Variants in PVT1 observed in about 807,000 individuals in gnomAD.
PVT1 encodes the protein CXCR4/PVT1 fusion.
At chr8:127,966,388 AG>A (rs1563652384) in intron 3 of PVT1, among the ~76,000 whole-genome samples, 2 of 152,232 alleles carry the variant, frequency 1.3e-5, no homozygotes, top group African/African-American at 2.4e-5. Flanking sequence ...CCTGAGTCTT[AG>A]AAAAAACCCC....
intron 3 of PVT1, among the ~76,000 whole-genome samples, chr8:127,961,334 C>T (rs1173168455): frequency 2.0e-5 from 3 of 152,300 alleles, no homozygotes; most frequent in Middle Eastern, 3.4e-3. Context: ...CAGGGATGCA[C>T]TGGAGACCCA....
At chr8:127,805,353 T>C (rs1466884897) in intron 2 of PVT1, among the ~76,000 whole-genome samples, 3 of 152,116 alleles carry the variant, frequency 2.0e-5, no homozygotes, top group Admixed American at 2.0e-4. Flanking sequence ...ATGTTTTCTA[T>C]TTTTCAGTTA....
intron 2 of PVT1, among the ~76,000 whole-genome samples, chr8:127,822,506 G>A (rs1429057048): frequency 6.6e-6 from 1 of 152,198 alleles, no homozygotes; most frequent in Non-Finnish European, 1.5e-5. Context: ...GAACCTGGGA[G>A]GTGGAGGTTG....
At chr8:127,836,817 A>G (rs1814913622) in intron 2 of PVT1, among the ~76,000 whole-genome samples, 1 of 152,170 alleles carries the variant, frequency 6.6e-6, no homozygotes, top group African/African-American at 2.4e-5. Flanking sequence ...ATACCTGGGC[A>G]TATGGCTTCA....
intron 4 of PVT1, among the ~76,000 whole-genome samples, chr8:128,017,611 A>AT (rs1758123810): frequency 6.9e-6 from 1 of 145,474 alleles, no homozygotes; most frequent in Non-Finnish European, 1.5e-5. Flanking sequence ...TTTTTTTTTA[A>AT]TTTTTTTAGA....
Position 127,925,694 on chromosome 8 carries a change from T to C in PVT1, n.782+34696T>C, listed in dbSNP as rs184286006. ...TTTACTTTTGTTGCCCAGGCTGGAG[T>C]GCAGTGGTGCCATCTCGGCTCACCG... On this transcript the variant is annotated intron_variant and non_coding_transcript_variant, in intron 3 of 10. Coordinates refer to ENST00000651587, the Ensembl canonical transcript of PVT1. 3.8e-3 allele frequency among the ~76,000 whole-genome samples: 579 copies of C among 152,208 alleles called. 3 individuals are homozygous for C. The highest frequency in any genetic ancestry group is 0.013 in the African/African-American group (558 of 41,520).
At chr8:127,873,767 T>C (rs1215373481) in intron 2 of PVT1, among the ~76,000 whole-genome samples, 1 of 152,232 alleles carries the variant, frequency 6.6e-6, no homozygotes, top group Non-Finnish European at 1.5e-5. Context: ...GAATCTTTGC[T>C]CCATTTCTCC....
intron 5 of PVT1, among the ~76,000 whole-genome samples, chr8:128,086,408 C>T (rs1183539102): frequency 6.6e-6 from 1 of 152,138 alleles, no homozygotes. Flanking sequence ...TATGCTAATC[C>T]TCATGTGAAA....
At chr8:128,046,346 G>C (rs886380035) in intron 4 of PVT1, among the ~76,000 whole-genome samples, 1 of 152,206 alleles carries the variant, frequency 6.6e-6, no homozygotes, top group East Asian at 1.9e-4. Flanking sequence ...TTTTCCAAAT[G>C]AGAAAACTGT....
At chr8:127,797,325 G>T (rs1814408786) in intron 2 of PVT1, among the ~76,000 whole-genome samples, 1 of 152,122 alleles carries the variant, frequency 6.6e-6, no homozygotes, top group Admixed American at 6.5e-5. Flanking sequence ...ACAGTACCCG[G>T]CCTTGTTTTG....
chr8:127,884,480 T>C (rs1815503047), intron 2 of PVT1, among the ~76,000 whole-genome samples: 1 of 152,252 alleles, frequency 6.6e-6, no homozygotes, highest in Non-Finnish European at 1.5e-5. Context: ...TGTGCATTGA[T>C]ACCACGGAGT....
At chr8:128,093,649 T>C (rs917590672) in intron 5 of PVT1, among the ~76,000 whole-genome samples, 6 of 152,042 alleles carry the variant, frequency 3.9e-5, no homozygotes, top group African/African-American at 1.4e-4. Flanking sequence ...CATTTTTTTC[T>C]TTTTTTGAGA....
At chr8:127,889,052 C>CTTCT (rs1815564493) in intron 2 of PVT1, among the ~76,000 whole-genome samples, 1 of 91,326 alleles carries the variant, frequency 1.1e-5, no homozygotes, top group Non-Finnish European at 2.5e-5. Flanking sequence ...TCCTTCCTTC[C>CTTCT]TTCCTTCCTT....
chr8:127,885,721 A>C (rs1815515619), intron 2 of PVT1, among the ~76,000 whole-genome samples: 1 of 152,218 alleles, frequency 6.6e-6, no homozygotes, highest in African/African-American at 2.4e-5. Flanking sequence ...CTATGAAATG[A>C]GTAGATGTTG....
chr8:127,858,407 A>T lies in PVT1; in HGVS notation n.373-32182A>T, dbSNP rs1413562070. On this transcript the variant is annotated intron_variant and non_coding_transcript_variant, in intron 2 of 10. Coordinates refer to ENST00000651587, the Ensembl canonical transcript of PVT1. Reference sequence around the variant, plus strand: ...GGGTGACAGAGTGAGACTCTGTCTCAAAATAAATAAATAAATAAATAAATA... The same window carrying T: ...GGGTGACAGAGTGAGACTCTGTCTCTAAATAAATAAATAAATAAATAAATA... Among the ~76,000 whole-genome samples, 7 of 141,868 alleles carry T rather than the reference A, an allele frequency of 4.9e-5. No individual in the cohort carries two copies. The East Asian group carries it at 1.0e-3, about 21-fold the overall frequency. 93.1% of individuals were successfully genotyped at this position (141,868 alleles called of 152,430 possible). A position where few individuals can be genotyped will look rare whatever the true frequency, so the allele number is the denominator to read the frequency against.
chr8:127,912,681 T>C (rs1441507535), intron 3 of PVT1, among the ~76,000 whole-genome samples: 1 of 151,828 alleles, frequency 6.6e-6, no homozygotes, highest in Non-Finnish European at 1.5e-5. Context: ...TACTGGGTCA[T>C]TTTATATCTT....
intron 2 of PVT1, among the ~76,000 whole-genome samples, chr8:127,847,495 C>A (rs1815048841): frequency 6.6e-6 from 1 of 152,104 alleles, no homozygotes; most frequent in South Asian, 2.1e-4. Flanking sequence ...ACAGAGATAA[C>A]CTATAGATAT....
At chr8:127,937,996 G>A (rs1276597072) in intron 3 of PVT1, among the ~76,000 whole-genome samples, 1 of 152,144 alleles carries the variant, frequency 6.6e-6, no homozygotes, top group Non-Finnish European at 1.5e-5. Context: ...TCCTCATCAG[G>A]CTCCTGGTCT....
intron 4 of PVT1, among the ~76,000 whole-genome samples, chr8:128,022,694 C>G (rs570724109): frequency 3.9e-5 from 6 of 152,146 alleles, no homozygotes; most frequent in Non-Finnish European, 8.8e-5. Context: ...ATACTAAGCT[C>G]AGTAACTTTA....
Sources: allele counts gnomAD v4.1 joint callset (sites outside exome capture counted in the v4.1 genomes callset), GRCh38; gene constraint gnomAD v4.1.1; transcripts MANE v1.5; gene names NCBI Gene and HGNC (gene_info 2026-07-23, HGNC 2026-07-21).